The following GALNTL6 variants were observed in gnomAD, a reference collection of about 807,000 sequenced individuals.
The protein encoded by GALNTL6 is polypeptide N-acetylgalactosaminyltransferase like 6, also known as polypeptide N-acetylgalactosaminyltransferase-like 6.
Under a neutral mutation model 73.7 loss-of-function variants are expected in GALNTL6, and 46 were observed. The ratio of observed to expected loss-of-function variants is 0.62; its 90% CI spans 0.49 to 0.80. The LOEUF (loss-of-function observed/expected upper bound fraction) is 0.80. Among genes scored for constraint, GALNTL6 ranks in the 30% least tolerant of loss-of-function variants. The pLI is 0.00. For missense variants in GALNTL6, 604 were observed against 755.0 expected, an observed-to-expected ratio of 0.80 and a Z score of 2.34; for synonymous variants, 259 against 263.7, an observed-to-expected ratio of 0.98 and a Z score of 0.17.
chr4:173,006,513 T>G lies in GALNTL6; in HGVS notation c.1372-2665T>G, dbSNP rs572006385. ...GGTGTTTCTATTTCACTAGAGAAAC[T>G]CCATCACACATCAGGAAATTGATTT... On this transcript the variant is annotated intron_variant, in intron 10 of 12. Transcript: ENST00000506823. Among the ~76,000 whole-genome samples, 6 of 152,306 alleles carry G rather than the reference T, an allele frequency of 3.9e-5. No individual in the cohort carries two copies. The South Asian group carries it at 1.0e-3, about 26-fold the overall frequency.
At chr4:172,674,766 A>G (rs902713890) in intron 5 of GALNTL6, among the ~76,000 whole-genome samples, 3 of 152,122 alleles carry the variant, frequency 2.0e-5, no homozygotes, top group African/African-American at 7.2e-5. Context: ...CTATTCTGCT[A>G]TTAACACTCC....
chr4:172,425,517 G>T (rs2111370520), intron 5 of GALNTL6, among the ~76,000 whole-genome samples: 1 of 151,906 alleles, frequency 6.6e-6, no homozygotes, highest in East Asian at 1.9e-4. Context: ...GGGGAACAAA[G>T]AAAAAAATTG....
intron 3 of GALNTL6, among the ~76,000 whole-genome samples, chr4:172,235,309 G>GT (rs1737204733): frequency 6.6e-6 from 1 of 151,928 alleles, no homozygotes. Context: ...CCGGGTTCAG[G>GT]CGATTCTCCT....
intron 8 of GALNTL6, among the ~76,000 whole-genome samples, chr4:172,923,224 A>C (rs2111297728): frequency 6.6e-6 from 1 of 152,316 alleles, no homozygotes; most frequent in African/African-American, 2.4e-5. Context: ...TTACGGTTCT[A>C]CACAGCTGGG....
chr4:171,894,780 T>C (rs949810581), intron 2 of GALNTL6, among the ~76,000 whole-genome samples: 6 of 152,156 alleles, frequency 3.9e-5, no homozygotes, highest in African/African-American at 1.4e-4. Context: ...TGTCACACCA[T>C]GAGCTGAAAG....
intron 5 of GALNTL6, among the ~76,000 whole-genome samples, chr4:172,375,297 A>G (rs1306056662): frequency 6.6e-6 from 1 of 152,078 alleles, no homozygotes; most frequent in Non-Finnish European, 1.5e-5. Flanking sequence ...TGTAACTTGT[A>G]CTTCCCTTAG....
chr4:172,120,112 T>C (rs1273338015), intron 2 of GALNTL6, among the ~76,000 whole-genome samples: 2 of 152,212 alleles, frequency 1.3e-5, no homozygotes, highest in Non-Finnish European at 2.9e-5. Flanking sequence ...CCCAGTTCTG[T>C]ACACCAGAAT....
At chr4:172,576,252 A>G (rs1036937580) in intron 5 of GALNTL6, among the ~76,000 whole-genome samples, 1 of 151,554 alleles carries the variant, frequency 6.6e-6, no homozygotes, top group Admixed American at 6.6e-5. Context: ...GGGACCAGGA[A>G]CCGGGGGAGA....
intron 5 of GALNTL6, among the ~76,000 whole-genome samples, chr4:172,763,004 CA>C (rs66834819): frequency 0.52 from 77,466 of 148,064 alleles, 20,845 homozygotes; most frequent in African/African-American, 0.69. Flanking sequence ...TCATTGCAGA[CA>C]AAAAAAAAAA....
chr4:172,171,940 C>T (rs576918905), intron 2 of GALNTL6, among the ~76,000 whole-genome samples: 1 of 152,300 alleles, frequency 6.6e-6, no homozygotes, highest in Admixed American at 6.5e-5. Context: ...AGAAGCAACA[C>T]TCCATTGGGT....
intron 4 of GALNTL6, among the ~76,000 whole-genome samples, chr4:172,326,182 C>A (rs988039726): frequency 2.0e-5 from 3 of 151,634 alleles, no homozygotes; most frequent in Admixed American, 2.0e-4. Context: ...AAGTTATCTA[C>A]GTATATATAG....
chr4:172,096,537 A>G (rs1732363690), intron 2 of GALNTL6, among the ~76,000 whole-genome samples: 2 of 124,904 alleles, frequency 1.6e-5, no homozygotes, highest in African/African-American at 6.5e-5. Flanking sequence ...AGCCCTTTTT[A>G]TAAAAAAAAA....
At chr4:172,165,973 A>C (rs965853931) in intron 2 of GALNTL6, among the ~76,000 whole-genome samples, 20 of 150,902 alleles carry the variant, frequency 1.3e-4, no homozygotes, top group African/African-American at 4.6e-4. Context: ...CCACTGCATT[A>C]AAAAAATAAA....
chr4:172,139,960 TA>T (rs1162480110), intron 2 of GALNTL6, among the ~76,000 whole-genome samples: 2 of 151,962 alleles, frequency 1.3e-5, no homozygotes, highest in Non-Finnish European at 2.9e-5. Context: ...CCATATATAT[TA>T]GGTGTTCAAC....
intron 5 of GALNTL6, among the ~76,000 whole-genome samples, chr4:172,544,587 G>T (rs573136739): frequency 6.6e-6 from 1 of 152,028 alleles, no homozygotes; most frequent in African/African-American, 2.4e-5. Flanking sequence ...TATATTATTT[G>T]TCTTCCTCTT....
chr4:172,040,194 T>A (rs915168199), intron 2 of GALNTL6, among the ~76,000 whole-genome samples: 7 of 139,184 alleles, frequency 5.0e-5, no homozygotes, highest in Non-Finnish European at 1.1e-4. Flanking sequence ...TCATTGCACT[T>A]TCTGGATCAC....
chr4:172,247,645 AT>A (rs1737709707), intron 3 of GALNTL6, among the ~76,000 whole-genome samples: 1 of 152,170 alleles, frequency 6.6e-6, no homozygotes, highest in Admixed American at 6.5e-5. Flanking sequence ...AGGAATATAA[AT>A]TTAAACCAGC....
chr4:172,289,015 C>T (rs1739367487), intron 3 of GALNTL6, among the ~76,000 whole-genome samples: 1 of 151,850 alleles, frequency 6.6e-6, no homozygotes, highest in Non-Finnish European at 1.5e-5. Flanking sequence ...TACAGCTATC[C>T]TATAGTGACT....
intron 7 of GALNTL6, among the ~76,000 whole-genome samples, chr4:172,856,931 T>G (rs2111124724): frequency 6.6e-6 from 1 of 152,340 alleles, no homozygotes. Flanking sequence ...AGGACTTTAA[T>G]AAATAGGAAG....
Sources: allele counts gnomAD v4.1 joint callset (sites outside exome capture counted in the v4.1 genomes callset), GRCh38; gene constraint gnomAD v4.1.1; transcripts MANE v1.5; gene names NCBI Gene and HGNC (gene_info 2026-07-23, HGNC 2026-07-21).